Variants in ROBO1 observed in about 807,000 individuals in gnomAD.
ROBO1 encodes roundabout homolog 1.
In ROBO1, 149 loss-of-function variants were observed where a neutral mutation model predicts 195.9. The ratio of observed to expected loss-of-function variants is 0.76; its 90% CI spans 0.67 to 0.87. ROBO1 has a LOEUF of 0.87. Among genes scored for constraint, ROBO1 ranks in the 40% least tolerant of loss-of-function variants. ROBO1 has a pLI of 0.00. For synonymous variants in ROBO1, 816 were observed against 733.2 expected, an observed-to-expected ratio of 1.11 and a Z score of -1.82; for missense variants, 1,933 against 2,068.3, an observed-to-expected ratio of 0.93 and a Z score of 1.27.
chr3:78,643,494 A>C (rs956883864), intron 21 of ROBO1, among the ~76,000 whole-genome samples: 5 of 152,118 alleles, frequency 3.3e-5, no homozygotes, highest in Admixed American at 3.3e-4. Flanking sequence ...GACAGTCCAG[A>C]CCTATGTAAT....
chr3:78,903,210 A>AT (rs1377922510), intron 4 of ROBO1, among the ~76,000 whole-genome samples: 1 of 152,134 alleles, frequency 6.6e-6, no homozygotes, highest in Non-Finnish European at 1.5e-5. Context: ...AAAGAGGTGC[A>AT]TTTTTAATCC....
At chr3:79,412,487 A>C in intron 2 of ROBO1, among the ~76,000 whole-genome samples, 1 of 152,186 alleles carries the variant, frequency 6.6e-6, no homozygotes, top group Admixed American at 6.6e-5. Flanking sequence ...CACTGCAAAC[A>C]CACCTCACTT....
chr3:78,984,686 T>C (rs1052098432), intron 3 of ROBO1, among the ~76,000 whole-genome samples: 1 of 152,090 alleles, frequency 6.6e-6, no homozygotes, highest in African/African-American at 2.4e-5. Context: ...TGTGGAAAAA[T>C]GGGCCATTCG....
chr3:78,609,292 T>C (rs902495744), intron 28 of ROBO1, among the ~76,000 whole-genome samples: 5 of 152,204 alleles, frequency 3.3e-5, no homozygotes, highest in Admixed American at 3.3e-4. Context: ...ATCCCTAGTA[T>C]TGACTATGCA....
chr3:79,089,941 T>TTTTC (rs201979118), intron 3 of ROBO1, among the ~76,000 whole-genome samples: 973 of 16,922 alleles, frequency 0.057, 14 homozygotes, highest in Middle Eastern at 0.091. Flanking sequence ...TATTCTTTCT[T>TTTTC]TTTTTTTTTT....
intron 4 of ROBO1, among the ~76,000 whole-genome samples, chr3:78,783,386 A>G (rs1284869638): frequency 6.6e-6 from 1 of 152,160 alleles, no homozygotes; most frequent in Non-Finnish European, 1.5e-5. Context: ...GCACCTCAAC[A>G]TTTACCACAG....
chr3:78,692,855 A>AT (rs1214362083), intron 8 of ROBO1: 1 of 152,282 alleles, frequency 6.6e-6, no homozygotes, highest in African/African-American at 2.4e-5. Flanking sequence ...AGAAATGAAA[A>AT]TGAGTGCAAA....
intron 3 of ROBO1, among the ~76,000 whole-genome samples, chr3:79,034,944 A>G (rs1056920569): frequency 6.6e-6 from 1 of 152,112 alleles, no homozygotes; most frequent in African/African-American, 2.4e-5. Flanking sequence ...AACAGACAAT[A>G]AAACCAGTAA....
At chr3:78,854,047 A>C (rs2034246495) in intron 4 of ROBO1, among the ~76,000 whole-genome samples, 1 of 152,024 alleles carries the variant, frequency 6.6e-6, no homozygotes, top group Admixed American at 6.6e-5. Context: ...ATCCATATCA[A>C]ACACCTTAAG....
chr3:79,283,656 T>C (rs548510428), intron 2 of ROBO1, among the ~76,000 whole-genome samples: 5 of 152,294 alleles, frequency 3.3e-5, no homozygotes, highest in African/African-American at 1.2e-4. Flanking sequence ...TCAAACAAAG[T>C]ATATCAATGG....
intron 1 of ROBO1, among the ~76,000 whole-genome samples, chr3:79,766,143 G>A (rs1426647684): frequency 6.6e-6 from 1 of 151,836 alleles, no homozygotes; most frequent in Non-Finnish European, 1.5e-5. Context: ...CTGGAAATCT[G>A]CCCCCTTTAG....
rs542487451 is a variant in ROBO1 at position 79,459,874 on chromosome 3, C to CT, written c.88+129949dup. 1.3e-3 allele frequency among the ~76,000 whole-genome samples: 197 copies of CT among 151,808 alleles called. 2 individuals carry two copies. Among genetic ancestry groups the CT allele is most frequent in the African/African-American group, 4.4e-3 (184 of 41,452 alleles). On this transcript the variant is annotated intron_variant, in intron 2 of 30. Transcript: ENST00000464233. ...CAGGCAAAGCAAATGTTGGTGAATTCTTTTTTTTGCCATTACAAATGGTGG... is the reference window on the plus strand; with the variant it reads ...CAGGCAAAGCAAATGTTGGTGAATTCTTTTTTTTTGCCATTACAAATGGTGG...
chr3:79,135,085 G>C, intron 2 of ROBO1, among the ~76,000 whole-genome samples: 1 of 151,696 alleles, frequency 6.6e-6, no homozygotes, highest in East Asian at 1.9e-4. Flanking sequence ...AGAAGGTCAA[G>C]ACTATAATAC....
chr3:78,710,485 T>G (rs2108009824), intron 8 of ROBO1, among the ~76,000 whole-genome samples: 1 of 152,298 alleles, frequency 6.6e-6, no homozygotes, highest in South Asian at 2.1e-4. Flanking sequence ...ACCTAATAAT[T>G]ATTGAAATTA....
At position 79,531,137 on chromosome 3, in the gene ROBO1, G is replaced by A. The variant is rs550529030; in HGVS notation, c.88+58687C>T. 2.0e-5 allele frequency among the ~76,000 whole-genome samples: 3 copies of A among 152,122 alleles called. No individual in the cohort carries two copies. The South Asian group carries it at 6.2e-4, about 32-fold the overall frequency. On this transcript the variant is annotated intron_variant, in intron 2 of 30. Transcript: ENST00000464233. The stretch of plus-strand genomic sequence containing the variant: ...TGCATATCACCTGACACTTGCCTCC[G>A]TAGTATGTATCATGCCTCCATTTGA...
Position 79,713,631 on chromosome 3 carries a change from C to T in ROBO1, c.-51+54121G>A, listed in dbSNP as rs992835238. On this transcript the variant is annotated intron_variant, in intron 1 of 30. Coordinates refer to ENST00000464233, the MANE Select transcript of ROBO1 (RefSeq NM_002941.4). ...CATTTGTCAATTTTGGCTTTTGTTG[C>T]CGTTGCTTTTGGTGTTTTAGACATG... Among the ~76,000 whole-genome samples the T allele has an allele frequency of 1.5e-4, 23 of 152,148 alleles. 1 individual carries two copies. Among genetic ancestry groups the T allele is most frequent in the Middle Eastern group, 6.8e-3 (2 of 294 alleles).
rs542443404 is a variant in ROBO1, at chr3:79,243,068, G to A, written c.89-117529C>T. ...CTCATTGTTCAGTTCCCACCTATGA[G>A]TGAGAACATGTGGTGTTTGGTTTTT... On this transcript the variant is annotated intron_variant, in intron 2 of 30. Transcript: ENST00000464233. 3.3e-3 allele frequency among the ~76,000 whole-genome samples: 471 copies of A among 144,078 alleles called. 3 individuals carry two copies. Among genetic ancestry groups the A allele is most frequent in the African/African-American group, 0.011 (444 of 38,700 alleles). 94.5% of individuals were successfully genotyped at this position (144,078 alleles called of 152,430 possible).
chr3:79,686,702 T>C (rs1267403778), intron 1 of ROBO1, among the ~76,000 whole-genome samples: 2 of 152,092 alleles, frequency 1.3e-5, no homozygotes, highest in African/African-American at 4.8e-5. Flanking sequence ...AAACCACTGC[T>C]CAATGAAATA....
chr3:79,732,420 T>C (rs749248487), intron 1 of ROBO1, among the ~76,000 whole-genome samples: 2 of 152,124 alleles, frequency 1.3e-5, no homozygotes, highest in Admixed American at 6.6e-5. Flanking sequence ...GGAAATAGAA[T>C]AGCTGTTCCT....
Sources: gnomAD v4.1 joint callset for allele counts (sites outside exome capture counted in the v4.1 genomes callset) on GRCh38, gnomAD v4.1.1 for gene constraint, MANE v1.5 for transcripts, NCBI Gene and HGNC (gene_info 2026-07-23, HGNC 2026-07-21) for gene names.